Variants in MCF2L2 observed in about 807,000 individuals in gnomAD.
MCF2L2 encodes MCF.2 cell line derived transforming sequence-like 2, also known as probable guanine nucleotide exchange factor MCF2L2.
Under a neutral mutation model 150.2 loss-of-function variants are expected in MCF2L2, and 102 were observed. The ratio of observed to expected loss-of-function variants is 0.68; its 90% CI spans 0.58 to 0.80. MCF2L2 has a LOEUF of 0.80. Ranked by LOEUF, MCF2L2 falls within the 30% of genes least tolerant of loss-of-function variation. The pLI is 0.00. For synonymous variants in MCF2L2, 465 were observed against 491.3 expected (o/e 0.95, Z 0.71); for missense variants, 1,256 against 1,372.8 (o/e 0.91, Z 1.34).
Position 183,294,919 on chromosome 3 carries a change from C to T in MCF2L2, c.1675+381G>A, listed in dbSNP as rs377463041. On this transcript the variant is annotated intron_variant, in intron 13 of 29. Transcript: ENST00000328913. ...CTGGGATTACAGGCGTGAGCCACCG[C>T]GCCCAGCCTAATTTTTCTATTTTTA... Among the ~76,000 whole-genome samples, 19 of 152,178 alleles carry T rather than the reference C, an allele frequency of 1.2e-4. No homozygotes were observed. The East Asian group carries it at 3.1e-3, about 25-fold the overall frequency.
chr3:183,277,185 G>A (rs1727205169), intron 14 of MCF2L2, among the ~76,000 whole-genome samples: 1 of 151,896 alleles, frequency 6.6e-6, no homozygotes, highest in Non-Finnish European at 1.5e-5. Context: ...CCAAAAGCAG[G>A]TATCGGCCGG....
chr3:183,287,855 C>T (rs113728987), intron 14 of MCF2L2: 3 of 152,294 alleles, frequency 2.0e-5, no homozygotes, highest in Admixed American at 6.5e-5. Context: ...CACTTTCTTC[C>T]GGACTCTTTC....
At position 183,341,748 on chromosome 3, in the gene MCF2L2, C is replaced by G; in HGVS notation, c.276-118G>C. ...CACTCCAGGCTCACCGTGTAAACAC[C>G]CTGCACAGCACAACCAACTCCCTCT... On this transcript the variant is annotated intron_variant, in intron 3 of 29. Transcript: ENST00000328913. 8.8e-6 allele frequency: 6 copies of G among 682,464 alleles called. No homozygotes were observed. The African/African-American group carries it at 1.1e-4, about 13-fold the overall frequency. 42.3% of individuals were successfully genotyped at this position (682,464 alleles called of 1,614,324 possible). A position where few individuals can be genotyped will look rare whatever the true frequency, so the allele number is the denominator to read the frequency against.
chr3:183,220,290 T>G (rs936803104), intron 20 of MCF2L2, among the ~76,000 whole-genome samples: 1 of 152,234 alleles, frequency 6.6e-6, no homozygotes, highest in Non-Finnish European at 1.5e-5. Flanking sequence ...TCCCATGATA[T>G]TATGTTTTTC....
At chr3:183,317,724 C>T (rs1243427354) in intron 7 of MCF2L2, among the ~76,000 whole-genome samples, 3 of 152,108 alleles carry the variant, frequency 2.0e-5, no homozygotes, top group African/African-American at 4.8e-5. Flanking sequence ...AGCAGGATCA[C>T]GAGAGGGCAA....
At chr3:183,421,004 T>TGAA (rs148027425) in intron 1 of MCF2L2, among the ~76,000 whole-genome samples, 23,053 of 152,198 alleles carry the variant, frequency 0.15, 2,653 homozygotes, top group African/African-American at 0.33. Flanking sequence ...TTTAGCACTT[T>TGAA]TTGCTTTCTG....
At chr3:183,296,730 C>G (rs1728525516) in intron 12 of MCF2L2, 1 of 457,500 alleles carries the variant, frequency 2.2e-6, no homozygotes, top group African/African-American at 1.9e-5. Context: ...CAGCACAGCA[C>G]ATGGTACATC....
intron 15 of MCF2L2, among the ~76,000 whole-genome samples, chr3:183,263,484 A>G (rs1725808708): frequency 6.6e-6 from 1 of 151,820 alleles, no homozygotes; most frequent in Non-Finnish European, 1.5e-5. Flanking sequence ...CCATTTGTTA[A>G]CCCCATCTTA....
At chr3:183,215,436 G>A (rs993093168) in intron 22 of MCF2L2, among the ~76,000 whole-genome samples, 2 of 152,120 alleles carry the variant, frequency 1.3e-5, no homozygotes, top group Non-Finnish European at 2.9e-5. Context: ...TAACACTGAC[G>A]CTGGAGCTCA....
chr3:183,364,561 G>A (rs1252116636), intron 3 of MCF2L2, among the ~76,000 whole-genome samples: 1 of 151,734 alleles, frequency 6.6e-6, no homozygotes, highest in East Asian at 1.9e-4. Context: ...AATGAATAAG[G>A]TAGAGAATGG....
chr3:183,257,358 A>T (rs1725138486), intron 15 of MCF2L2, among the ~76,000 whole-genome samples: 2 of 152,300 alleles, frequency 1.3e-5, no homozygotes, highest in South Asian at 4.2e-4. Context: ...TGGAATATTT[A>T]TTGACCCTTT....
chr3:183,182,266 C>T (rs1467555139), intron 27 of MCF2L2, among the ~76,000 whole-genome samples: 6 of 152,178 alleles, frequency 3.9e-5, no homozygotes, highest in East Asian at 3.9e-4. Context: ...GCCCTGACAA[C>T]GCAGAGAAAG....
intron 21 of MCF2L2, among the ~76,000 whole-genome samples, chr3:183,216,494 T>C (rs1696727349): frequency 7.4e-6 from 1 of 135,444 alleles, no homozygotes; most frequent in Admixed American, 7.3e-5. Flanking sequence ...GTTTATATAT[T>C]AATTATATAT....
chr3:183,331,766 A>G (rs1730280634), intron 5 of MCF2L2, among the ~76,000 whole-genome samples: 1 of 152,204 alleles, frequency 6.6e-6, no homozygotes, highest in South Asian at 2.1e-4. Context: ...CCAAGGCAGG[A>G]GGATCACTTG....
At chr3:183,190,214 A>G (rs1291076212) in intron 27 of MCF2L2, among the ~76,000 whole-genome samples, 2 of 152,156 alleles carry the variant, frequency 1.3e-5, no homozygotes, top group Non-Finnish European at 2.9e-5. Flanking sequence ...GTGTGTCCCC[A>G]TCCACCTGTA....
chr3:183,181,565 T>C lies in MCF2L2; in HGVS notation c.3017-1406A>G, dbSNP rs1288985998. Among the ~76,000 whole-genome samples the C allele has an allele frequency of 6.6e-6, 1 of 152,062 alleles. No individual in the cohort carries two copies. Among genetic ancestry groups the C allele is most frequent in the Non-Finnish European group, 1.5e-5 (1 of 68,004 alleles). ...CATCTAAGGAAACCCAAGACTCCTC[T>C]TTAGAGAAGTCATCCAGCCCTGGGG... On this transcript the variant is annotated intron_variant, in intron 27 of 29. Transcript: ENST00000328913. The surrounding 1 kb of genome is among the most constrained non-coding windows in gnomAD (Gnocchi z 4.3).
intron 3 of MCF2L2, among the ~76,000 whole-genome samples, chr3:183,358,898 G>T (rs1711953172): frequency 6.6e-6 from 1 of 151,946 alleles, no homozygotes; most frequent in Non-Finnish European, 1.5e-5. Flanking sequence ...GGGATTACAG[G>T]GTATGATTAC....
chr3:183,419,468 C>T (rs905373331), intron 1 of MCF2L2, among the ~76,000 whole-genome samples: 1 of 152,252 alleles, frequency 6.6e-6, no homozygotes, highest in African/African-American at 2.4e-5. Context: ...GTCAGGTAGG[C>T]TGCAAAATTT....
At chr3:183,357,123 G>A (rs1158022155) in intron 3 of MCF2L2, among the ~76,000 whole-genome samples, 2 of 152,020 alleles carry the variant, frequency 1.3e-5, no homozygotes, top group Admixed American at 1.3e-4. Context: ...AAAACAGAGG[G>A]ACTTCTGGGT....
Sources: allele counts gnomAD v4.1 joint callset (sites outside exome capture counted in the v4.1 genomes callset), GRCh38; gene constraint gnomAD v4.1.1; non-coding constraint Gnocchi (gnomAD v3.1); transcripts MANE v1.5; gene names NCBI Gene and HGNC (gene_info 2026-07-23, HGNC 2026-07-21).